Variants in CSMD1 observed in about 807,000 individuals in gnomAD.
CSMD1 encodes the protein CUB and sushi domain-containing protein 1.
A neutral mutation model predicts 417.5 loss-of-function variants in CSMD1; 213 were observed. That is an observed-to-expected ratio of 0.51 (90% CI 0.46 to 0.57). CSMD1 has a LOEUF of 0.57. Ranked by LOEUF, CSMD1 falls within the 20% of genes least tolerant of loss-of-function variation. The pLI is 0.00. For missense variants in CSMD1, 6,923 were observed against 4,529.7 expected, an observed-to-expected ratio of 1.53 and a Z score of -15.17; for synonymous variants, 2,862 against 1,736.8, an observed-to-expected ratio of 1.65 and a Z score of -16.11.
intron 5 of CSMD1, among the ~76,000 whole-genome samples, chr8:3,905,154 A>C (rs1056481560): frequency 6.6e-6 from 1 of 152,192 alleles, no homozygotes; most frequent in Non-Finnish European, 1.5e-5. Context: ...CCATTTAAAG[A>C]ATGATTAATA....
chr8:4,537,770 C>A (rs1797173219), intron 2 of CSMD1, among the ~76,000 whole-genome samples: 1 of 152,190 alleles, frequency 6.6e-6, no homozygotes, highest in Non-Finnish European at 1.5e-5. Flanking sequence ...CCTCGAATCA[C>A]CAGGCATGCA....
At chr8:3,003,297 G>C (rs1052806856) in intron 52 of CSMD1, among the ~76,000 whole-genome samples, 7 of 152,152 alleles carry the variant, frequency 4.6e-5, no homozygotes, top group Non-Finnish European at 4.4e-5. Context: ...GTCTATGATA[G>C]TATTATTCTA....
chr8:4,769,503 T>C (rs948678935), intron 1 of CSMD1, among the ~76,000 whole-genome samples: 59 of 152,280 alleles, frequency 3.9e-4, no homozygotes, highest in African/African-American at 1.4e-3. Flanking sequence ...TTGAAAAAAA[T>C]TATGAAATAC....
At chr8:4,125,578 G>C (rs545881386) in intron 3 of CSMD1, among the ~76,000 whole-genome samples, 8 of 152,196 alleles carry the variant, frequency 5.3e-5, no homozygotes, top group African/African-American at 1.9e-4. Flanking sequence ...AATTAACTGA[G>C]ACTGAAACTG....
At chr8:4,204,187 G>C (rs1444644130) in intron 3 of CSMD1, among the ~76,000 whole-genome samples, 1 of 151,978 alleles carries the variant, frequency 6.6e-6, no homozygotes, top group South Asian at 2.1e-4. Flanking sequence ...GGTGCTGTGT[G>C]CCTGAGATGG....
chr8:3,365,551 G>T (rs555480879), intron 20 of CSMD1, among the ~76,000 whole-genome samples: 8 of 152,228 alleles, frequency 5.3e-5, no homozygotes, highest in African/African-American at 1.9e-4. Flanking sequence ...CAATTTTTTG[G>T]AGATTTGCTA....
intron 2 of CSMD1, among the ~76,000 whole-genome samples, chr8:4,434,758 G>C (rs550992224): frequency 2.6e-5 from 4 of 152,146 alleles, no homozygotes; most frequent in Admixed American, 2.6e-4. Context: ...CTCTTAGACT[G>C]TCAAATACAC....
At chr8:3,870,860 G>A (rs531612196) in intron 5 of CSMD1, among the ~76,000 whole-genome samples, 1 of 151,914 alleles carries the variant, frequency 6.6e-6, no homozygotes, top group Non-Finnish European at 1.5e-5. Flanking sequence ...TCTGTCTTAG[G>A]TTCCTTAGAT....
chr8:3,120,098 TTA>T (rs1294940115), intron 41 of CSMD1, among the ~76,000 whole-genome samples: 1 of 152,148 alleles, frequency 6.6e-6, no homozygotes, highest in Non-Finnish European at 1.5e-5. Flanking sequence ...CAGTATATTA[TTA>T]TGACAGGTGT....
At chr8:4,306,998 C>G (rs1798285214) in intron 3 of CSMD1, among the ~76,000 whole-genome samples, 1 of 152,132 alleles carries the variant, frequency 6.6e-6, no homozygotes, top group South Asian at 2.1e-4. Context: ...CTGTCACCGC[C>G]CTGGTTCAGC....
intron 50 of CSMD1, among the ~76,000 whole-genome samples, chr8:3,044,090 C>T (rs1406805279): frequency 6.6e-6 from 1 of 152,026 alleles, no homozygotes; most frequent in Non-Finnish European, 1.5e-5. Flanking sequence ...ATGATAGCAG[C>T]TTGATGTTGA....
intron 26 of CSMD1, among the ~76,000 whole-genome samples, chr8:3,260,307 C>T (rs1800960407): frequency 6.6e-6 from 1 of 152,092 alleles, no homozygotes; most frequent in Non-Finnish European, 1.5e-5. Context: ...CTGTGAGGCT[C>T]CCTGGCTTTG....
At chr8:3,460,609 A>G (rs1321659585) in intron 12 of CSMD1, among the ~76,000 whole-genome samples, 2 of 152,218 alleles carry the variant, frequency 1.3e-5, no homozygotes, top group African/African-American at 2.4e-5. Flanking sequence ...TAAGAGAATG[A>G]AGATAAACAG....
chr8:3,916,791 A>G (rs554029859), intron 5 of CSMD1, among the ~76,000 whole-genome samples: 8 of 152,160 alleles, frequency 5.3e-5, no homozygotes, highest in Non-Finnish European at 8.8e-5. Context: ...CTCAATTTCA[A>G]AATAAGGCTG....
At chr8:4,696,234 A>G (rs982358957) in intron 1 of CSMD1, among the ~76,000 whole-genome samples, 1 of 152,258 alleles carries the variant, frequency 6.6e-6, no homozygotes, top group Non-Finnish European at 1.5e-5. Flanking sequence ...CATGACAGAT[A>G]TGATAGATAC....
chr8:4,637,444 C>A lies in CSMD1; in HGVS notation c.200G>T (p.Arg67Leu), dbSNP rs371015364. ...NCTWIIITGE[R>L]NRIQLSFHTF... ...ATGGAAGGACAACTGTATCCTATTG[C>A]GCTCGCCCGTGATGATGATCCAGGT... The change falls in exon 2 of 70, where the codon CGC (arginine) becomes CTC (leucine). Residue 67 changes from arginine to leucine, a missense_variant. By Grantham distance (102) the Arg-to-Leu change is moderately radical. Transcript: ENST00000635120. 6.2e-7 allele frequency: 1 copy of A among 1,613,592 alleles called. No individual in the cohort carries two copies. Among genetic ancestry groups the A allele is most frequent in the Non-Finnish European group, 8.5e-7 (1 of 1,179,834 alleles).
intron 2 of CSMD1, among the ~76,000 whole-genome samples, chr8:4,594,354 C>T (rs79361548): frequency 2.5e-3 from 373 of 152,070 alleles, no homozygotes; most frequent in African/African-American, 8.7e-3. Context: ...CAGGCGCCAG[C>T]ATGCCTGGCT....
intron 49 of CSMD1, among the ~76,000 whole-genome samples, chr8:3,069,031 C>T (rs1813147705): frequency 6.6e-6 from 1 of 152,134 alleles, no homozygotes; most frequent in Admixed American, 6.5e-5. Flanking sequence ...AGGCAAATCC[C>T]TTCCATTTAT....
intron 50 of CSMD1, among the ~76,000 whole-genome samples, chr8:3,039,486 CTTCT>C (rs1487517759): frequency 1.4e-5 from 2 of 147,368 alleles, no homozygotes; most frequent in Non-Finnish European, 1.5e-5. Context: ...TTCCTCCTTC[CTTCT>C]TTCAATTCTT....
Sources: gnomAD v4.1 joint callset for allele counts (sites outside exome capture counted in the v4.1 genomes callset) on GRCh38, gnomAD v4.1.1 for gene constraint, MANE v1.5 for transcripts, NCBI Gene and HGNC (gene_info 2026-07-23, HGNC 2026-07-21) for gene names.